CERS3: variants seen among roughly 807,000 people sequenced by gnomAD.
CERS3 encodes ceramide synthase 3.
In CERS3, 33 loss-of-function variants were observed where a neutral mutation model predicts 50.3. The ratio of observed to expected loss-of-function variants is 0.66; its 90% confidence interval spans 0.50 to 0.88. The LOEUF (loss-of-function observed/expected upper bound fraction) is 0.88. Among genes scored for constraint, CERS3 ranks in the 40% least tolerant of loss-of-function variants. The pLI is 0.00. For missense variants in CERS3, 470 were observed against 460.3 expected (o/e 1.02, Z -0.19); for synonymous variants, 176 against 155.2 (o/e 1.13, Z -0.99).
At chr15:100,517,804 T>A (rs550989713) in intron 2 of CERS3, among the ~76,000 whole-genome samples, 1 of 152,092 alleles carries the variant, frequency 6.6e-6, no homozygotes, top group East Asian at 1.9e-4. Context: ...TGGGGTGCAG[T>A]GGGTGTGAGC....
At chr15:100,512,203 A>C (rs1290997035) in intron 2 of CERS3, among the ~76,000 whole-genome samples, 1 of 152,232 alleles carries the variant, frequency 6.6e-6, no homozygotes, top group African/African-American at 2.4e-5. Flanking sequence ...TCTCAACTCC[A>C]AATTCATCCT....
At chr15:100,538,977 CTT>C (rs1354173671) in intron 1 of CERS3, among the ~76,000 whole-genome samples, 1 of 152,176 alleles carries the variant, frequency 6.6e-6, no homozygotes, top group African/African-American at 2.4e-5. Flanking sequence ...CTCTTGAACA[CTT>C]TACTTTTGAG....
intron 1 of CERS3, among the ~76,000 whole-genome samples, chr15:100,542,865 C>A (rs1457765357): frequency 6.6e-6 from 1 of 151,926 alleles, no homozygotes; most frequent in Non-Finnish European, 1.5e-5. Context: ...TAATACTTAT[C>A]TATGCTATCT....
At chr15:100,474,458 G>A (rs2035061897) in intron 8 of CERS3, among the ~76,000 whole-genome samples, 1 of 151,282 alleles carries the variant, frequency 6.6e-6, no homozygotes, top group Non-Finnish European at 1.5e-5. Context: ...AGGCTGCAGT[G>A]CAGTGGTGCG....
At chr15:100,431,200 T>C (rs138089912) in intron 11 of CERS3, among the ~76,000 whole-genome samples, 2 of 152,354 alleles carry the variant, frequency 1.3e-5, no homozygotes, top group East Asian at 3.9e-4. Flanking sequence ...TTTCAACTTC[T>C]AAAATTCCAT....
At chr15:100,413,509 C>CAACTA (rs2031642307) in intron 11 of CERS3, among the ~76,000 whole-genome samples, 1 of 136,214 alleles carries the variant, frequency 7.3e-6, no homozygotes, top group African/African-American at 2.8e-5. Flanking sequence ...ACACAACTGA[C>CAACTA]GACTATACTA....
chr15:100,450,896 A>G (rs1290816069), intron 11 of CERS3, among the ~76,000 whole-genome samples: 1 of 152,144 alleles, frequency 6.6e-6, no homozygotes, highest in Non-Finnish European at 1.5e-5. Context: ...ATATGGCCAT[A>G]GTCCTGAAAG....
intron 3 of CERS3, 101 bp downstream of exon 3, chr15:100,501,576 A>C (rs1173551643): frequency 2.9e-6 from 3 of 1,039,292 alleles, no homozygotes; most frequent in Non-Finnish European, 4.2e-6. Context: ...GCAACCTCTG[A>C]ACAACAGATT....
chr15:100,538,108 C>G (rs1430211421), intron 1 of CERS3, among the ~76,000 whole-genome samples: 1 of 152,192 alleles, frequency 6.6e-6, no homozygotes, highest in Non-Finnish European at 1.5e-5. Flanking sequence ...ACATCCAGGT[C>G]ACACTGATGC....
At chr15:100,440,619 G>A (rs529753618) in intron 11 of CERS3, among the ~76,000 whole-genome samples, 9 of 152,342 alleles carry the variant, frequency 5.9e-5, no homozygotes, top group African/African-American at 1.9e-4. Context: ...ATTTGGTGCT[G>A]TGACTGGAGG....
At position 100,402,608 on chromosome 15, in the gene CERS3, G is replaced by C. The variant is rs963145817; in HGVS notation, c.*105C>G. 3.5e-6 allele frequency: 4 copies of C among 1,133,830 alleles called. No homozygotes were observed. Among genetic ancestry groups the C allele is most frequent in the Non-Finnish European group, 5.0e-6 (4 of 800,088 alleles). The allele number at this position is 1,133,830 out of a possible 1,614,324, so 70.2% of individuals were successfully genotyped here. A position where few individuals can be genotyped will look rare whatever the true frequency, so the allele number is the denominator to read the frequency against. On this transcript the variant is annotated 3_prime_UTR_variant, in exon 12 of 12. Coordinates refer to ENST00000679737, the MANE Select transcript of CERS3 (RefSeq NM_001378789.1). Reference sequence around the variant, plus strand: ...CTTAGGTGGGAGGGAAGGCGGTGGTGAGAAAGAGGGAAGGGCAGAATGTGG... The same window carrying C: ...CTTAGGTGGGAGGGAAGGCGGTGGTCAGAAAGAGGGAAGGGCAGAATGTGG...
chr15:100,475,522 T>C (rs1163827095), intron 8 of CERS3, among the ~76,000 whole-genome samples: 1 of 152,208 alleles, frequency 6.6e-6, no homozygotes, highest in Admixed American at 6.5e-5. Context: ...GATTAGTAAT[T>C]AGGAATCAGT....
At chr15:100,457,911 C>T (rs965179571) in intron 10 of CERS3, among the ~76,000 whole-genome samples, 2 of 152,144 alleles carry the variant, frequency 1.3e-5, no homozygotes, top group African/African-American at 4.8e-5. Context: ...AAATCAAAGA[C>T]ATTTTATGCT....
chr15:100,410,175 AAG>A (rs965635654), intron 11 of CERS3, among the ~76,000 whole-genome samples: 129 of 152,328 alleles, frequency 8.5e-4, no homozygotes, highest in African/African-American at 3.1e-3. Flanking sequence ...GGTCTTTTAG[AAG>A]TCTCTGCCCC....
intron 11 of CERS3, among the ~76,000 whole-genome samples, chr15:100,409,140 C>G (rs969098040): frequency 2.6e-5 from 4 of 152,198 alleles, no homozygotes; most frequent in South Asian, 4.1e-4. Flanking sequence ...TTCTCCCCTC[C>G]TTCTGAGCCA....
chr15:100,504,878 A>C (rs141857278), intron 2 of CERS3, among the ~76,000 whole-genome samples: 1 of 152,332 alleles, frequency 6.6e-6, no homozygotes, highest in Non-Finnish European at 1.5e-5. Flanking sequence ...CAAAAGGGGA[A>C]TTTAGAGAAA....
At chr15:100,467,880 T>TAGATAG (rs377426449) in intron 10 of CERS3, among the ~76,000 whole-genome samples, 16 of 23,626 alleles carry the variant, frequency 6.8e-4, no homozygotes, top group Middle Eastern at 0.036. Context: ...GATAGATAGA[T>TAGATAG]ATAGATATAG....
At chr15:100,448,489 G>A (rs1040810856) in intron 11 of CERS3, among the ~76,000 whole-genome samples, 4 of 152,152 alleles carry the variant, frequency 2.6e-5, no homozygotes, top group Non-Finnish European at 5.9e-5. Context: ...ACTCTCACAG[G>A]CCATAAGACT....
intron 11 of CERS3, among the ~76,000 whole-genome samples, 192 bp from the exon 12 acceptor site, chr15:100,403,057 C>A (rs1473669443): frequency 6.6e-6 from 1 of 152,164 alleles, no homozygotes; most frequent in Non-Finnish European, 1.5e-5. Context: ...ATTGACATTA[C>A]ACGAAGCATA....
Sources: gnomAD v4.1 joint callset for allele counts (sites outside exome capture counted in the v4.1 genomes callset) on GRCh38, gnomAD v4.1.1 for gene constraint, MANE v1.5 for transcripts, NCBI Gene and HGNC (gene_info 2026-07-23, HGNC 2026-07-21) for gene names.